The following AGBL1 variants were observed in gnomAD, a reference collection of about 807,000 sequenced individuals.
AGBL1 encodes the protein cytosolic carboxypeptidase 4.
AGBL1 carries 130 observed loss-of-function variants against 118.9 expected under a neutral mutation model. The ratio of observed to expected loss-of-function variants is 1.09; its 90% CI spans 0.95 to 1.26. The LOEUF (loss-of-function observed/expected upper bound fraction) is 1.26. AGBL1 is among the 50% of genes most tolerant of loss of function. AGBL1 has a pLI of 0.00. For missense variants in AGBL1, 1,584 were observed against 1,298.1 expected (o/e 1.22, Z -3.38); for synonymous variants, 555 against 478.9 (o/e 1.16, Z -2.08).
intron 22 of AGBL1, among the ~76,000 whole-genome samples, chr15:86,760,374 C>A (rs2078006424): frequency 6.6e-6 from 1 of 152,010 alleles, no homozygotes; most frequent in African/African-American, 2.4e-5. Flanking sequence ...TCATTAGCTC[C>A]ACACCCGCAT....
At chr15:86,110,063 A>G (rs1415889952) in intron 1 of AGBL1, 1 of 152,250 alleles carries the variant, frequency 6.6e-6, no homozygotes, top group Non-Finnish European at 1.5e-5. Context: ...CTATGTAAAC[A>G]CATGACTGGG....
intron 22 of AGBL1, among the ~76,000 whole-genome samples, chr15:86,874,381 GACACACAC>G (rs58756904): frequency 6.0e-5 from 9 of 148,924 alleles, no homozygotes; most frequent in Non-Finnish European, 1.0e-4. Flanking sequence ...TTGTGGGTGG[GACACACAC>G]ACACACACAC....
intron 17 of AGBL1, among the ~76,000 whole-genome samples, chr15:86,297,257 A>G (rs10152833): frequency 0.079 from 11,954 of 152,138 alleles, 1,473 homozygotes; most frequent in African/African-American, 0.26. Context: ...CTCAAGAAGT[A>G]TCAGATAAAT....
intron 21 of AGBL1, among the ~76,000 whole-genome samples, chr15:86,572,342 T>G (rs1231788139): frequency 6.6e-6 from 1 of 151,986 alleles, no homozygotes; most frequent in Admixed American, 6.5e-5. Flanking sequence ...CTCCATGGAG[T>G]GTGCAGCCCA....
At chr15:86,100,774 T>A (rs1896667006) in intron 1 of AGBL1, among the ~76,000 whole-genome samples, 1 of 152,078 alleles carries the variant, frequency 6.6e-6, no homozygotes, top group Admixed American at 6.5e-5. Context: ...ATTTGGTTAG[T>A]CTATCTAGCA....
At chr15:86,722,836 G>A (rs1257338689) in intron 22 of AGBL1, among the ~76,000 whole-genome samples, 2 of 152,056 alleles carry the variant, frequency 1.3e-5, no homozygotes, top group Non-Finnish European at 2.9e-5. Context: ...ATCAACAAGT[G>A]GGTGAAGGAT....
intron 22 of AGBL1, among the ~76,000 whole-genome samples, chr15:86,680,065 G>A (rs971916254): frequency 2.0e-5 from 3 of 152,028 alleles, no homozygotes; most frequent in African/African-American, 4.8e-5. Flanking sequence ...TGTACATACT[G>A]CCTGTAAAAT....
At chr15:86,709,750 C>G (rs1319165090) in intron 22 of AGBL1, among the ~76,000 whole-genome samples, 1 of 152,126 alleles carries the variant, frequency 6.6e-6, no homozygotes, top group Non-Finnish European at 1.5e-5. Flanking sequence ...CAATTTAAAT[C>G]TTACCTCCAT....
chr15:86,798,104 C>G (rs1187796129), intron 22 of AGBL1, among the ~76,000 whole-genome samples: 1 of 152,132 alleles, frequency 6.6e-6, no homozygotes, highest in Non-Finnish European at 1.5e-5. Context: ...ACTGCAGTCC[C>G]TTGGTATCCA....
intron 6 of AGBL1, among the ~76,000 whole-genome samples, chr15:86,228,619 G>A (rs1029007800): frequency 7.2e-5 from 11 of 152,152 alleles, no homozygotes; most frequent in Non-Finnish European, 1.3e-4. Context: ...GCAGAAGTGA[G>A]GGATCAGGGA....
chr15:86,802,631 G>T (rs1012193465), intron 22 of AGBL1, among the ~76,000 whole-genome samples: 2 of 152,136 alleles, frequency 1.3e-5, no homozygotes, highest in African/African-American at 4.8e-5. Flanking sequence ...GGGAAGCTGG[G>T]AATATGCATA....
At chr15:86,810,736 G>T (rs1285659403) in intron 22 of AGBL1, among the ~76,000 whole-genome samples, 1 of 152,030 alleles carries the variant, frequency 6.6e-6, no homozygotes, top group East Asian at 1.9e-4. Context: ...CTTTGCCTTA[G>T]GTTTGTCCTT....
chr15:86,772,194 G>A (rs2078192012), intron 22 of AGBL1, among the ~76,000 whole-genome samples: 1 of 151,920 alleles, frequency 6.6e-6, no homozygotes, highest in South Asian at 2.1e-4. Context: ...AATTGGGGTT[G>A]AGCACCTTCT....
At chr15:86,506,176 G>T (rs2082974041) in intron 18 of AGBL1, among the ~76,000 whole-genome samples, 1 of 151,984 alleles carries the variant, frequency 6.6e-6, no homozygotes, top group African/African-American at 2.4e-5. Context: ...CTTCCTGCTT[G>T]TTCAGAACCT....
chr15:86,730,507 G>GT (rs1266199301), intron 22 of AGBL1, among the ~76,000 whole-genome samples: 7 of 152,044 alleles, frequency 4.6e-5, no homozygotes, highest in South Asian at 2.1e-4. Flanking sequence ...AGGTCCGTGG[G>GT]TTTTTTTTCT....
intron 22 of AGBL1, among the ~76,000 whole-genome samples, chr15:86,830,481 G>T (rs1297663089): frequency 6.6e-6 from 1 of 152,062 alleles, no homozygotes; most frequent in African/African-American, 2.4e-5. Context: ...ACTCATCCAG[G>T]CATGTGAACT....
At chr15:86,740,655 T>C (rs2077664276) in intron 22 of AGBL1, among the ~76,000 whole-genome samples, 1 of 152,162 alleles carries the variant, frequency 6.6e-6, no homozygotes, top group Non-Finnish European at 1.5e-5. Flanking sequence ...TGTGATTACA[T>C]CCGTTCAGAA....
intron 1 of AGBL1, among the ~76,000 whole-genome samples, chr15:86,135,004 C>T (rs143337708): frequency 6.6e-6 from 1 of 151,988 alleles, no homozygotes; most frequent in South Asian, 2.1e-4. Context: ...GAGATCTGAA[C>T]CCCAATGTTG....
chr15:86,900,637 CTATCT>C (rs1364816412), intron 22 of AGBL1, among the ~76,000 whole-genome samples: 2 of 150,188 alleles, frequency 1.3e-5, no homozygotes, highest in Non-Finnish European at 3.0e-5. Context: ...CTTATATCGA[CTATCT>C]TATATCAGAA....
Sources: gnomAD v4.1 joint callset for allele counts (sites outside exome capture counted in the v4.1 genomes callset) on GRCh38, gnomAD v4.1.1 for gene constraint, MANE v1.5 for transcripts, NCBI Gene and HGNC (gene_info 2026-07-23, HGNC 2026-07-21) for gene names.